Variants in TCF12 observed in about 807,000 individuals in gnomAD.
TCF12 encodes transcription factor 12.
In TCF12, 45 loss-of-function variants were observed where a neutral mutation model predicts 86.0. The ratio of observed to expected loss-of-function variants is 0.52; its 90% CI spans 0.41 to 0.67. The LOEUF (loss-of-function observed/expected upper bound fraction) is 0.67, where lower values mean the gene tolerates loss of function less well. Ranked by LOEUF, TCF12 falls within the 30% of genes least tolerant of loss-of-function variation. TCF12 has a pLI of 0.00. For missense variants in TCF12, 881 were observed against 859.9 expected (o/e 1.02, Z -0.31); for synonymous variants, 330 against 299.6 (o/e 1.10, Z -1.05).
chr15:57,243,386 A>G, intron 12 of TCF12, 86 bp from the exon 13 acceptor site: 1 of 1,210,742 alleles, frequency 8.3e-7, no homozygotes, highest in Non-Finnish European at 1.2e-6. Context: ...TGACAACTAG[A>G]TTATAAAAAT....
intron 3 of TCF12, among the ~76,000 whole-genome samples, chr15:56,967,444 T>G (rs2062060216): frequency 6.6e-6 from 1 of 152,200 alleles, no homozygotes. Flanking sequence ...TTCTGTGTAG[T>G]TCCTGAAACT....
intron 3 of TCF12, among the ~76,000 whole-genome samples, chr15:57,052,005 T>C (rs1207687223): frequency 1.3e-5 from 2 of 152,342 alleles, no homozygotes; most frequent in Non-Finnish European, 1.5e-5. Flanking sequence ...TTTAATGGCA[T>C]GACTTTATGT....
chr15:57,088,739 T>C (rs2962988), intron 4 of TCF12, among the ~76,000 whole-genome samples: 136,499 of 152,084 alleles, frequency 0.9, 61,432 homozygotes, highest in African/African-American at 0.96. Context: ...AATCTTAAGT[T>C]CTACCCCCAA....
At chr15:57,089,738 G>C (rs1042940016) in intron 4 of TCF12, among the ~76,000 whole-genome samples, 7 of 151,980 alleles carry the variant, frequency 4.6e-5, no homozygotes, top group Admixed American at 4.6e-4. Context: ...ATTTTAATTG[G>C]CATTTTTCTA....
intron 5 of TCF12, among the ~76,000 whole-genome samples, chr15:57,118,049 A>G (rs1466400586): frequency 9.2e-5 from 14 of 152,284 alleles, no homozygotes; most frequent in Admixed American, 7.8e-4. Flanking sequence ...ATTCAGTACA[A>G]TGATCAATTT....
chr15:57,189,210 TACA>T (rs1172130336), intron 6 of TCF12, among the ~76,000 whole-genome samples: 1 of 152,162 alleles, frequency 6.6e-6, no homozygotes, highest in Non-Finnish European at 1.5e-5. Flanking sequence ...GATTCTTAGA[TACA>T]ACATCAAAAG....
chr15:57,256,246 C>A (rs761791363), intron 16 of TCF12, among the ~76,000 whole-genome samples: 1 of 152,214 alleles, frequency 6.6e-6, no homozygotes, highest in Non-Finnish European at 1.5e-5. Context: ...ACTATCCCCG[C>A]AGAGTCTTAG....
intron 5 of TCF12, among the ~76,000 whole-genome samples, chr15:57,145,486 T>TA (rs1341928474): frequency 0.01 from 1,563 of 149,716 alleles, 29 homozygotes; most frequent in African/African-American, 0.035. Flanking sequence ...TTGAAATATG[T>TA]AAAAAAAAAA....
chr15:57,081,082 T>A (rs2070605952), intron 4 of TCF12, among the ~76,000 whole-genome samples: 1 of 152,218 alleles, frequency 6.6e-6, no homozygotes. Context: ...TTACTAAAGC[T>A]CTTATGACTG....
chr15:56,934,556 A>G (rs888501865), intron 3 of TCF12, among the ~76,000 whole-genome samples: 3 of 152,174 alleles, frequency 2.0e-5, no homozygotes, highest in African/African-American at 7.2e-5. Flanking sequence ...GGACTTTGTG[A>G]TGAAGATGCT....
At chr15:57,131,773 C>G (rs1218473587) in intron 5 of TCF12, among the ~76,000 whole-genome samples, 1 of 152,118 alleles carries the variant, frequency 6.6e-6, no homozygotes, top group Non-Finnish European at 1.5e-5. Flanking sequence ...TCTAATCGTT[C>G]TACAGATTAA....
intron 3 of TCF12, among the ~76,000 whole-genome samples, chr15:57,039,107 C>A (rs2066714697): frequency 6.6e-6 from 1 of 152,170 alleles, no homozygotes; most frequent in African/African-American, 2.4e-5. Context: ...CATTAATTCA[C>A]AAAAACTTAG....
chr15:57,000,692 A>G (rs1023699064), intron 3 of TCF12, among the ~76,000 whole-genome samples: 1 of 152,174 alleles, frequency 6.6e-6, no homozygotes, highest in Non-Finnish European at 1.5e-5. Context: ...TGGTTCTTCA[A>G]AAACATAAAG....
intron 3 of TCF12, among the ~76,000 whole-genome samples, chr15:56,945,028 C>G (rs1278835939): frequency 2.0e-5 from 3 of 152,084 alleles, no homozygotes; most frequent in African/African-American, 7.2e-5. Flanking sequence ...ATATTTTGCA[C>G]TTTCAATTTA....
At chr15:56,994,708 T>C (rs1307483263) in intron 3 of TCF12, among the ~76,000 whole-genome samples, 1 of 152,084 alleles carries the variant, frequency 6.6e-6, no homozygotes, top group Non-Finnish European at 1.5e-5. Flanking sequence ...TGTTTATAAC[T>C]AGCAAAAGTA....
intron 16 of TCF12, among the ~76,000 whole-genome samples, chr15:57,259,832 A>G (rs2060508276): frequency 6.6e-6 from 1 of 152,260 alleles, no homozygotes; most frequent in Non-Finnish European, 1.5e-5. Flanking sequence ...ATGTGTAGAC[A>G]GAGCCATTTG....
At chr15:57,068,149 A>C (rs1170029712) in intron 4 of TCF12, among the ~76,000 whole-genome samples, 1 of 152,190 alleles carries the variant, frequency 6.6e-6, no homozygotes, top group Non-Finnish European at 1.5e-5. Flanking sequence ...GATTCTGGAC[A>C]AGTTATTTAA....
chr15:56,962,179 C>G (rs954853083), intron 3 of TCF12, among the ~76,000 whole-genome samples: 1 of 149,012 alleles, frequency 6.7e-6, no homozygotes, highest in Non-Finnish European at 1.5e-5. Context: ...GAATTGTGGT[C>G]AAATAACTTG....
intron 5 of TCF12, among the ~76,000 whole-genome samples, chr15:57,157,943 A>G (rs1386947322): frequency 2.6e-5 from 4 of 152,092 alleles, no homozygotes; most frequent in African/African-American, 9.7e-5. Context: ...AGAATTTTTT[A>G]CTACCCACCC....
Sources: allele counts gnomAD v4.1 joint callset (sites outside exome capture counted in the v4.1 genomes callset), GRCh38; gene constraint gnomAD v4.1.1; transcripts MANE v1.5; gene names NCBI Gene and HGNC (gene_info 2026-07-23, HGNC 2026-07-21).